RELN: variants seen among roughly 807,000 people sequenced by gnomAD.
The protein encoded by RELN is reelin.
In RELN, 108 loss-of-function variants were observed where a neutral mutation model predicts 427.6. That is an observed-to-expected ratio of 0.25 (90% confidence interval 0.22 to 0.30). The LOEUF (loss-of-function observed/expected upper bound fraction) is 0.30. Among genes scored for constraint, RELN ranks in the 10% least tolerant of loss-of-function variants. The probability of loss-of-function intolerance (pLI) is 1.00; values close to 1 mark genes in which losing one functional copy is unlikely to be tolerated. For synonymous variants in RELN, 1,524 were observed against 1,513.4 expected (o/e 1.01, Z -0.16); for missense variants, 3,715 against 4,302.8 (o/e 0.86, Z 3.82).
At chr7:103,503,602 C>T (rs1829108166) in intron 51 of RELN, among the ~76,000 whole-genome samples, 1 of 152,162 alleles carries the variant, frequency 6.6e-6, no homozygotes, top group African/African-American at 2.4e-5. Flanking sequence ...AACAGCTTTA[C>T]CAATTTTACT....
At position 103,540,390 on chromosome 7, in the gene RELN, A is replaced by G. The variant is rs763245318; in HGVS notation, c.6737T>C (p.Val2246Ala). ...KGVPDPRSQPVLLQYSLNGGL... is the reference protein window; with the variant it reads ...KGVPDPRSQPALLQYSLNGGL... ...ACCGTTGAGAGAATACTGTAGGAGCACGGGTTGACTCCTGGGGTCAGGAAC... is the reference window on the plus strand; with the variant it reads ...ACCGTTGAGAGAATACTGTAGGAGCGCGGGTTGACTCCTGGGGTCAGGAAC... The change falls in exon 44 of 65, where the codon GTG becomes GCG. Residue 2246 changes from valine to alanine, a missense_variant. Transcript: ENST00000428762. 4.3e-6 allele frequency: 7 copies of G among 1,613,946 alleles called. No individual in the cohort carries two copies. Among genetic ancestry groups the G allele is most frequent in the African/African-American group, 1.3e-5 (1 of 74,924 alleles).
chr7:103,869,259 TTTTC>T (rs892167814), intron 2 of RELN, among the ~76,000 whole-genome samples: 8 of 152,146 alleles, frequency 5.3e-5, no homozygotes, highest in Admixed American at 3.9e-4. Context: ...TTAATGTTGT[TTTTC>T]TTTCTTTCTT....
At chr7:103,789,107 T>C (rs905697845) in intron 3 of RELN, among the ~76,000 whole-genome samples, 1 of 152,146 alleles carries the variant, frequency 6.6e-6, no homozygotes, top group Non-Finnish European at 1.5e-5. Flanking sequence ...CCCTATTTAA[T>C]AAATGGTGCT....
Position 103,705,114 on chromosome 7 carries a change from T to A in RELN, c.806-4108A>T, listed in dbSNP as rs189806692. Among the ~76,000 whole-genome samples, 1,115 of 152,344 alleles carry A rather than the reference T, an allele frequency of 7.3e-3. 8 individuals are homozygous for A. Among genetic ancestry groups the A allele is most frequent in the Non-Finnish European group, 0.011 (747 of 68,036 alleles). On this transcript the variant is annotated intron_variant, in intron 8 of 64. Coordinates refer to ENST00000428762, the MANE Select transcript of RELN (RefSeq NM_005045.4). ...CAAATATTTTTATTAATTTCATTTTTAATTTATAATAATTGCACATATTTA... is the reference window on the plus strand; with the variant it reads ...CAAATATTTTTATTAATTTCATTTTAAATTTATAATAATTGCACATATTTA...
chr7:103,684,283 G>C (rs1833716532), intron 10 of RELN, among the ~76,000 whole-genome samples: 1 of 152,078 alleles, frequency 6.6e-6, no homozygotes, highest in South Asian at 2.1e-4. Context: ...TCTGTTTTAG[G>C]ATTGGGCACA....
chr7:103,639,563 C>A (rs752464635), intron 17 of RELN, among the ~76,000 whole-genome samples: 19 of 151,974 alleles, frequency 1.3e-4, no homozygotes, highest in Non-Finnish European at 2.4e-4. Context: ...CCACGCCCGG[C>A]TAATTTTTGT....
intron 10 of RELN, among the ~76,000 whole-genome samples, chr7:103,696,994 C>A (rs557955774): frequency 6.6e-6 from 1 of 152,232 alleles, no homozygotes; most frequent in South Asian, 2.1e-4. Context: ...CTGAATTTTT[C>A]CCAAGACTTT....
chr7:103,773,100 T>TTTGC (rs1343624007), intron 4 of RELN, among the ~76,000 whole-genome samples: 1 of 128,590 alleles, frequency 7.8e-6, no homozygotes, highest in Non-Finnish European at 1.6e-5. Context: ...GGTTCTCCTC[T>TTTGC]TTTCTTTCTT....
intron 3 of RELN, among the ~76,000 whole-genome samples, chr7:103,799,778 C>T (rs960312993): frequency 1.4e-4 from 22 of 152,242 alleles, no homozygotes; most frequent in African/African-American, 5.1e-4. Flanking sequence ...AGAGCATAGG[C>T]CCTGGAATCT....
intron 28 of RELN, among the ~76,000 whole-genome samples, chr7:103,587,625 T>C (rs893279374): frequency 6.6e-6 from 1 of 151,900 alleles, no homozygotes; most frequent in Non-Finnish European, 1.5e-5. Flanking sequence ...CAACTTTTCA[T>C]CCAACAAGGG....
chr7:103,823,001 A>G (rs1405492341), intron 3 of RELN, among the ~76,000 whole-genome samples: 1 of 152,100 alleles, frequency 6.6e-6, no homozygotes, highest in African/African-American at 2.4e-5. Context: ...TACTAGAAAT[A>G]CGTACTCAGT....
At chr7:103,949,289 C>G (rs1403243133) in intron 1 of RELN, among the ~76,000 whole-genome samples, 2 of 151,914 alleles carry the variant, frequency 1.3e-5, no homozygotes, top group African/African-American at 4.8e-5. Flanking sequence ...CTGGAAAAGC[C>G]TGTTGCTATG....
At chr7:103,616,904 T>C (rs1832093525) in intron 20 of RELN, among the ~76,000 whole-genome samples, 1 of 152,200 alleles carries the variant, frequency 6.6e-6, no homozygotes, top group Non-Finnish European at 1.5e-5. Context: ...ATTATTTTCT[T>C]GGGATAAATT....
At chr7:103,609,199 G>C (rs910473982) in intron 22 of RELN, among the ~76,000 whole-genome samples, 2 of 145,222 alleles carry the variant, frequency 1.4e-5, no homozygotes, top group African/African-American at 5.2e-5. Flanking sequence ...CTCCAGCCTG[G>C]GTGACAGAGC....
At chr7:103,775,495 C>A (rs185177035) in intron 4 of RELN, among the ~76,000 whole-genome samples, 5 of 151,916 alleles carry the variant, frequency 3.3e-5, no homozygotes, top group Admixed American at 3.3e-4. Context: ...TCTCAAAAAC[C>A]GATATAATTT....
intron 8 of RELN, among the ~76,000 whole-genome samples, chr7:103,722,577 G>C (rs998409037): frequency 5.3e-5 from 8 of 152,168 alleles, no homozygotes; most frequent in Non-Finnish European, 1.2e-4. Flanking sequence ...GCAAACACCT[G>C]ATCAGAAGGC....
At chr7:103,649,163 T>C (rs1320136392) in intron 16 of RELN, among the ~76,000 whole-genome samples, 3 of 152,042 alleles carry the variant, frequency 2.0e-5, no homozygotes, top group Non-Finnish European at 4.4e-5. Context: ...CTGTTCATAA[T>C]AGTAAAGTCA....
intron 1 of RELN, among the ~76,000 whole-genome samples, chr7:103,966,554 G>T (rs1796665030): frequency 6.6e-6 from 1 of 152,154 alleles, no homozygotes; most frequent in Non-Finnish European, 1.5e-5. Flanking sequence ...AGGACTAGCT[G>T]TAATGGAATG....
intron 41 of RELN, among the ~76,000 whole-genome samples, chr7:103,547,141 T>G (rs1241162822): frequency 6.6e-6 from 1 of 152,186 alleles, no homozygotes; most frequent in African/African-American, 2.4e-5. Context: ...CAATTTTCAA[T>G]TATCATAGAA....
Sources: gnomAD v4.1 joint callset for allele counts (sites outside exome capture counted in the v4.1 genomes callset) on GRCh38, gnomAD v4.1.1 for gene constraint, MANE v1.5 for transcripts, NCBI Gene and HGNC (gene_info 2026-07-23, HGNC 2026-07-21) for gene names.